The following SYT9 variants were observed in gnomAD, a reference collection of about 807,000 sequenced individuals.
SYT9 encodes synaptotagmin 9, also known as synaptotagmin-9.
Under a neutral mutation model 48.4 loss-of-function variants are expected in SYT9, and 22 were observed. The ratio of observed to expected loss-of-function variants is 0.45; its 90% CI spans 0.32 to 0.65. The LOEUF (loss-of-function observed/expected upper bound fraction) is 0.65. Ranked by LOEUF, SYT9 falls within the 30% of genes least tolerant of loss-of-function variation. The pLI is 0.03. For missense variants in SYT9, 577 were observed against 622.0 expected (o/e 0.93, Z 0.77); for synonymous variants, 265 against 245.0 (o/e 1.08, Z -0.76).
intron 1 of SYT9, among the ~76,000 whole-genome samples, chr11:7,290,861 A>G (rs910572399): frequency 6.6e-6 from 1 of 152,216 alleles, no homozygotes; most frequent in African/African-American, 2.4e-5. Context: ...TCCCAGTGGA[A>G]ACGGGTGATA....
chr11:7,441,950 C>A (rs192644987), intron 6 of SYT9, among the ~76,000 whole-genome samples: 94 of 152,236 alleles, frequency 6.2e-4, no homozygotes, highest in African/African-American at 2.2e-3. Context: ...GACTCTCCCC[C>A]ACAGGCACCC....
At chr11:7,373,896 AT>A (rs1850406930) in intron 3 of SYT9, among the ~76,000 whole-genome samples, 1 of 151,722 alleles carries the variant, frequency 6.6e-6, no homozygotes, top group Admixed American at 6.6e-5. Flanking sequence ...TTCTTTTTAC[AT>A]TTTTCTAGAT....
intron 1 of SYT9, among the ~76,000 whole-genome samples, chr11:7,283,767 AT>A (rs1848547397): frequency 1.3e-5 from 2 of 152,106 alleles, no homozygotes; most frequent in South Asian, 4.1e-4. Flanking sequence ...ATTTGTAGTA[AT>A]CATGGGTTTT....
At chr11:7,323,631 A>AT (rs1460199487) in intron 3 of SYT9, among the ~76,000 whole-genome samples, 1 of 151,836 alleles carries the variant, frequency 6.6e-6, no homozygotes, top group Non-Finnish European at 1.5e-5. Flanking sequence ...TTATCAGTTG[A>AT]TTTTCTGTAT....
At chr11:7,463,495 G>A (rs1332666763) in intron 6 of SYT9, among the ~76,000 whole-genome samples, 3 of 151,058 alleles carry the variant, frequency 2.0e-5, no homozygotes, top group African/African-American at 7.3e-5. Flanking sequence ...GACAAAAGGG[G>A]GCTGAACAAC....
chr11:7,272,215 A>G (rs1818497295), intron 1 of SYT9, among the ~76,000 whole-genome samples: 1 of 152,152 alleles, frequency 6.6e-6, no homozygotes, highest in Admixed American at 6.6e-5. Flanking sequence ...TAAGGTCATG[A>G]CTTTGGGACA....
chr11:7,274,074 A>G (rs1848343022), intron 1 of SYT9, among the ~76,000 whole-genome samples: 1 of 152,202 alleles, frequency 6.6e-6, no homozygotes, highest in African/African-American at 2.4e-5. Context: ...AAACAAACAA[A>G]AAATGTTTAG....
Position 7,314,497 on chromosome 11 carries a change from G to C in SYT9, c.1044+556G>C, listed in dbSNP as rs114654318. Among the ~76,000 whole-genome samples the C allele has an allele frequency of 2.6e-3, 390 of 152,328 alleles. 3 individuals are homozygous for C. Among genetic ancestry groups the C allele is most frequent in the African/African-American group, 8.5e-3 (353 of 41,580 alleles). On this transcript the variant is annotated intron_variant, in intron 3 of 6. Transcript: ENST00000318881. ...AGTTACAAGGAGGGAAGTCTGAAAA[G>C]AAACTATAGATAATGGCAAAACTAA... is the stretch of plus-strand genomic sequence containing the variant.
rs544117386 is a variant in SYT9 at position 7,246,796 on chromosome 11, T to C, written c.49+7880T>C. Among the ~76,000 whole-genome samples the C allele has an allele frequency of 1.4e-4, 22 of 152,370 alleles. No homozygotes were observed. The South Asian group carries it at 4.6e-3, about 32-fold the overall frequency. ...ACTTATTGTCTGCTGTGCTCATTTG[T>C]GGGCTGGAAGGTCCAAGTTCGAGAG... On this transcript the variant is annotated intron_variant and NMD_transcript_variant, in intron 1 of 8. Coordinates refer to the SYT9 transcript ENST00000524820.
At chr11:7,416,302 C>A in intron 4 of SYT9, 140 bp downstream of exon 4, 2 of 973,712 alleles carry the variant, frequency 2.1e-6, no homozygotes, top group Non-Finnish European at 3.0e-6. Flanking sequence ...ACCTGTGTGA[C>A]CTTGGGCAAG....
chr11:7,328,829 A>G (rs953396588), intron 3 of SYT9, among the ~76,000 whole-genome samples: 1 of 152,146 alleles, frequency 6.6e-6, no homozygotes, highest in Non-Finnish European at 1.5e-5. Context: ...TTACCATTTC[A>G]CATTAATAAC....
intron 3 of SYT9, among the ~76,000 whole-genome samples, chr11:7,387,451 A>G (rs1294089621): frequency 6.6e-6 from 1 of 152,204 alleles, no homozygotes; most frequent in African/African-American, 2.4e-5. Context: ...AAACATGCTT[A>G]TAAATTTTAA....
rs535592475 is a variant in SYT9, at chr11:7,462,579, A to G, written c.1468-4213A>G. On this transcript the variant is annotated intron_variant, in intron 6 of 6. Coordinates refer to ENST00000318881, the MANE Select transcript of SYT9 (RefSeq NM_175733.4). ...TTTCATATATTTGTAAAGCTGTGCT[A>G]AGCAACAGTCAACAAAATCAGATTC... Among the ~76,000 whole-genome samples, 18 of 152,362 alleles carry G rather than the reference A, an allele frequency of 1.2e-4. No individual in the cohort carries two copies. The South Asian group carries it at 3.1e-3, about 26-fold the overall frequency.
chr11:7,253,458 A>G (rs1282958881), intron 1 of SYT9, among the ~76,000 whole-genome samples: 2 of 152,258 alleles, frequency 1.3e-5, no homozygotes, highest in African/African-American at 2.4e-5. Flanking sequence ...TTTGATTTAT[A>G]AAGAGTGTCA....
intron 3 of SYT9, among the ~76,000 whole-genome samples, chr11:7,362,615 A>G (rs1433532507): frequency 6.6e-6 from 1 of 152,228 alleles, no homozygotes; most frequent in African/African-American, 2.4e-5. Flanking sequence ...TTGGTAGGGT[A>G]TGCCATAGTT....
At chr11:7,246,516 C>G (rs899307938) in intron 1 of SYT9, among the ~76,000 whole-genome samples, 1 of 152,160 alleles carries the variant, frequency 6.6e-6, no homozygotes, top group Non-Finnish European at 1.5e-5. Flanking sequence ...TTTCCATGTA[C>G]TTTTTAATCC....
At chr11:7,377,099 T>C (rs1428784951) in intron 3 of SYT9, among the ~76,000 whole-genome samples, 3 of 150,422 alleles carry the variant, frequency 2.0e-5, no homozygotes, top group Admixed American at 6.7e-5. Flanking sequence ...AAGTCCCTGA[T>C]GTCAACTGTC....
intron 1 of SYT9, among the ~76,000 whole-genome samples, chr11:7,284,034 T>G (rs571679347): frequency 1.3e-5 from 2 of 152,340 alleles, no homozygotes; most frequent in Admixed American, 1.3e-4. Flanking sequence ...CATGTTCTAA[T>G]TGACTTGGTA....
chr11:7,347,900 G>T (rs1342366483), intron 3 of SYT9, among the ~76,000 whole-genome samples: 1 of 152,146 alleles, frequency 6.6e-6, no homozygotes, highest in Non-Finnish European at 1.5e-5. Context: ...GGAAACCACA[G>T]GCTGGCAGAA....
Sources: allele counts gnomAD v4.1 joint callset (sites outside exome capture counted in the v4.1 genomes callset), GRCh38; gene constraint gnomAD v4.1.1; transcripts MANE v1.5; gene names NCBI Gene and HGNC (gene_info 2026-07-23, HGNC 2026-07-21).